The following ABCA1 variants were observed in gnomAD, a reference collection of about 807,000 sequenced individuals.
ABCA1 encodes the protein phospholipid-transporting ATPase ABCA1.
In ABCA1, 133 loss-of-function variants were observed where a neutral mutation model predicts 262.5. The ratio of observed to expected loss-of-function variants is 0.51; its 90% CI spans 0.44 to 0.59. The LOEUF is 0.59. Ranked by LOEUF, ABCA1 falls within the 20% of genes least tolerant of loss-of-function variation. ABCA1 has a pLI of 0.00. For missense variants in ABCA1, 2,452 were observed against 2,777.5 expected, an observed-to-expected ratio of 0.88 and a Z score of 2.63; for synonymous variants, 1,022 against 1,043.5, an observed-to-expected ratio of 0.98 and a Z score of 0.40.
rs1436977511 is a variant in ABCA1 at position 104,817,786 on chromosome 9, T to C, written c.3463-382A>G. 6.6e-6 allele frequency among the ~76,000 whole-genome samples: 1 copy of C among 152,234 alleles called. No individual in the cohort carries two copies. The highest frequency in any genetic ancestry group is 1.5e-5 in the Non-Finnish European group (1 of 68,044). On this transcript the variant is annotated intron_variant, in intron 23 of 49. Coordinates refer to ENST00000374736, the MANE Select transcript of ABCA1 (RefSeq NM_005502.4). This position sits in a 1 kb window ranked among gnomAD's most constrained non-coding sequence, Gnocchi z 4.7. The stretch of plus-strand genomic sequence containing the variant: ...CAAGAACCTTGTTAAAATGCACAGA[T>C]TCTGATTCGGTAGGTCTGAGCTGGG...
intron 1 of ABCA1, among the ~76,000 whole-genome samples, chr9:104,914,089 G>A (rs987836432): frequency 2.0e-5 from 3 of 151,392 alleles, no homozygotes; most frequent in Non-Finnish European, 4.4e-5. Flanking sequence ...GTGAGCCACC[G>A]CACCCGGCCC....
intron 43 of ABCA1, 116 bp downstream of exon 43, chr9:104,791,820 A>G (rs1829452093): frequency 2.0e-6 from 2 of 978,024 alleles, no homozygotes; most frequent in African/African-American, 1.6e-5. Flanking sequence ...CCATCCTGGC[A>G]TAAATACAGA....
At chr9:104,831,149 TAAAAAA>T (rs34121951) in intron 13 of ABCA1, 48 bp from the exon 14 acceptor site, 40 of 926,150 alleles carry the variant, frequency 4.3e-5, no homozygotes, top group African/African-American at 2.5e-4. Context: ...AACCATACAA[TAAAAAA>T]AAAAAAAAAA....
intron 7 of ABCA1, among the ~76,000 whole-genome samples, chr9:104,849,224 T>G (rs948420066): frequency 6.6e-6 from 1 of 152,252 alleles, no homozygotes; most frequent in South Asian, 2.1e-4. Context: ...AAAGCATGAC[T>G]GTTTAACCCA....
In ABCA1 at chr9:104,782,072, C is replaced by T. The variant is rs937477753; in HGVS notation, c.*2243G>A. 1 of 151,906 alleles carries T rather than the reference C, an allele frequency of 6.6e-6. No individual in the cohort carries two copies. Among genetic ancestry groups the T allele is most frequent in the African/African-American group, 2.4e-5 (1 of 41,352 alleles). The allele number at this position is 151,906 out of a possible 1,614,324, so 9.4% of individuals were successfully genotyped here. Reference sequence around the variant, plus strand: ...AAATATGGCCTTGAAATCAGAGGAACCGAAGTAAGGAGTTGCTCATAGATT... The same window carrying T: ...AAATATGGCCTTGAAATCAGAGGAATCGAAGTAAGGAGTTGCTCATAGATT... On this transcript the variant is annotated 3_prime_UTR_variant, in exon 50 of 50. Transcript: ENST00000374736.
At chr9:104,857,033 G>A (rs749602491) in intron 7 of ABCA1, among the ~76,000 whole-genome samples, 36 of 152,060 alleles carry the variant, frequency 2.4e-4, no homozygotes, top group Non-Finnish European at 4.4e-4. Context: ...GACCAGGCAC[G>A]GTGACTCATG....
chr9:104,835,179 C>T lies in ABCA1; in HGVS notation c.1311+1801G>A, dbSNP rs189824408. 3.6e-4 allele frequency among the ~76,000 whole-genome samples: 53 copies of T among 149,160 alleles called. No individual in the cohort carries two copies. In the East Asian group the frequency reaches 9.7e-3, roughly 27 times the overall value. On this transcript the variant is annotated intron_variant, in intron 11 of 49. Transcript: ENST00000374736. The stretch of plus-strand genomic sequence containing the variant: ...AGGAGAATTGCTTGAACCCAGGAGG[C>T]GGAGGCTGTGGTGAGCCAAGATCAT...
chr9:104,816,381 C>G, intron 24 of ABCA1, 36 bp from the exon 25 acceptor site: 1 of 1,602,768 alleles, frequency 6.2e-7, no homozygotes, highest in African/African-American at 1.3e-5. Flanking sequence ...GCTCAATCAA[C>G]TCAGAGGGGC....
At chr9:104,855,083 G>A (rs915846731) in intron 7 of ABCA1, 25 of 841,954 alleles carry the variant, frequency 3.0e-5, no homozygotes, top group Admixed American at 6.2e-5. Flanking sequence ...AAGAATCTTT[G>A]GGTGAAAAGT....
intron 9 of ABCA1, among the ~76,000 whole-genome samples, chr9:104,838,025 A>G (rs888406053): frequency 6.6e-6 from 1 of 152,178 alleles, no homozygotes; most frequent in Non-Finnish European, 1.5e-5. Flanking sequence ...TCAGTTTTCA[A>G]GCAAAAACCA....
At chr9:104,862,885 C>T (rs1836762629) in intron 5 of ABCA1, among the ~76,000 whole-genome samples, 1 of 150,978 alleles carries the variant, frequency 6.6e-6, no homozygotes, top group African/African-American at 2.4e-5. Context: ...AGTGCCTTCA[C>T]AGACATGGTC....
chr9:104,812,809 A>C (rs1831395164), intron 27 of ABCA1, 87 bp from the exon 28 acceptor site: 4 of 1,510,202 alleles, frequency 2.6e-6, no homozygotes, highest in Non-Finnish European at 2.8e-6. Context: ...TTCAACAACT[A>C]TCTTGAAGGC....
Position 104,794,493 on chromosome 9 carries a change from AT to A in ABCA1, c.5399del (p.Asn1800MetfsTer4). The A allele has an allele frequency of 8.6e-7, 1 of 1,163,342 alleles. No homozygotes were observed. The highest frequency in any genetic ancestry group is 1.3e-6 in the Non-Finnish European group (1 of 793,168). 72.1% of individuals were successfully genotyped at this position (1,163,342 alleles called of 1,614,324 possible). A position where few individuals can be genotyped will look rare whatever the true frequency, so the allele number is the denominator to read the frequency against. On this transcript the variant is annotated frameshift_variant, in exon 40 of 50. Transcript: ENST00000374736. LOFTEE classifies it high-confidence loss of function. ...TCAAGAACACGGACTTCAGGATATC[AT>A]TGATATTATTCAGCTTCTAAAAAAA... ...LFTDNKLNNI[N>X]DILKSVFLIF...
In ABCA1 at chr9:104,840,347, T is replaced by G; in HGVS notation, c.986A>C (p.Asn329Thr). Residue 329 changes from asparagine (N) to threonine (T), a missense_variant, in exon 9 of 50, where the codon AAC (asparagine) becomes ACC (threonine). Transcript: ENST00000374736. Reference sequence around the variant, plus strand: ...ATTGCCTCCAAAGAGGGCTTTGTAGTTGTTGTCCTCATACCAGTTGAGAGA... The same window carrying G: ...ATTGCCTCCAAAGAGGGCTTTGTAGGTGTTGTCCTCATACCAGTTGAGAGA... ...IKSLNWYEDN[N>T]YKALFGGNGT... The G allele has an allele frequency of 6.2e-7, 1 of 1,614,172 alleles. No individual in the cohort carries two copies. Among genetic ancestry groups the G allele is most frequent in the East Asian group, 2.2e-5 (1 of 44,880 alleles).
At chr9:104,814,607 A>G (rs1831571866) in intron 25 of ABCA1, 132 bp from the exon 26 acceptor site, 2 of 936,110 alleles carry the variant, frequency 2.1e-6, no homozygotes, top group East Asian at 5.2e-5. Context: ...ACATTTCTTA[A>G]TAACACTTTC....
chr9:104,814,101 A>T lies in ABCA1; in HGVS notation c.3901+17T>A, dbSNP rs368020373. On this transcript the variant is annotated intron_variant, in intron 27 of 49. Transcript: ENST00000374736. ...CATTCAAACAGTAGGACACTGTTTGATCTTGCCCTAACAGACCTGGGTCTA... is the reference window on the plus strand; with the variant it reads ...CATTCAAACAGTAGGACACTGTTTGTTCTTGCCCTAACAGACCTGGGTCTA... The T allele has an allele frequency of 3.7e-6, 6 of 1,611,172 alleles. No individual in the cohort carries two copies. The highest frequency in any genetic ancestry group is 5.1e-6 in the Non-Finnish European group (6 of 1,177,776).
intron 32 of ABCA1, among the ~76,000 whole-genome samples, chr9:104,803,587 C>A (rs1336356730): frequency 2.0e-5 from 3 of 151,976 alleles, no homozygotes; most frequent in Non-Finnish European, 4.4e-5. Flanking sequence ...CAAGATGTAA[C>A]CAAACTAGAA....
intron 1 of ABCA1, among the ~76,000 whole-genome samples, chr9:104,909,496 A>G (rs1022149103): frequency 6.6e-6 from 1 of 152,128 alleles, no homozygotes; most frequent in African/African-American, 2.4e-5. Flanking sequence ...TGCTACCCAC[A>G]AAGGGGTGGC....
intron 8 of ABCA1, among the ~76,000 whole-genome samples, chr9:104,842,964 T>C (rs930778797): frequency 1.3e-5 from 2 of 152,154 alleles, no homozygotes; most frequent in African/African-American, 4.8e-5. Flanking sequence ...ACACATTCCT[T>C]AGGCATGCTC....
Sources: gnomAD v4.1 joint callset for allele counts (sites outside exome capture counted in the v4.1 genomes callset) on GRCh38, gnomAD v4.1.1 for gene constraint, Gnocchi (gnomAD v3.1) non-coding constraint, MANE v1.5 for transcripts, NCBI Gene and HGNC (gene_info 2026-07-23, HGNC 2026-07-21) for gene names.